CSMD1: variants seen among roughly 807,000 people sequenced by gnomAD.
The protein encoded by CSMD1 is CUB and sushi domain-containing protein 1.
Under a neutral mutation model 417.5 loss-of-function variants are expected in CSMD1, and 213 were observed. That is an observed-to-expected ratio of 0.51 (90% CI 0.46 to 0.57). The LOEUF (loss-of-function observed/expected upper bound fraction) is 0.57. CSMD1 is among the 20% of genes least tolerant of loss of function. The probability of loss-of-function intolerance (pLI) is 0.00; values close to 1 mark genes in which losing one functional copy is unlikely to be tolerated. For synonymous variants in CSMD1, 2,862 were observed against 1,736.8 expected (o/e 1.65, Z -16.11); for missense variants, 6,923 against 4,529.7 (o/e 1.53, Z -15.17).
intron 49 of CSMD1, among the ~76,000 whole-genome samples, chr8:3,064,288 C>T (rs940733369): frequency 3.3e-5 from 5 of 152,158 alleles, no homozygotes; most frequent in Non-Finnish European, 5.9e-5. Context: ...TGGGAGGTGA[C>T]TGGATCATGA....
chr8:4,626,957 G>C (rs941481009), intron 2 of CSMD1, among the ~76,000 whole-genome samples: 1 of 152,100 alleles, frequency 6.6e-6, no homozygotes, highest in African/African-American at 2.4e-5. Context: ...TCTGCAAAGG[G>C]ATACGTAAGT....
At chr8:4,704,201 G>C (rs750897298) in intron 1 of CSMD1, among the ~76,000 whole-genome samples, 3 of 152,152 alleles carry the variant, frequency 2.0e-5, no homozygotes, top group Non-Finnish European at 2.9e-5. Context: ...TTAATACGCT[G>C]GTAGCACCTT....
intron 1 of CSMD1, among the ~76,000 whole-genome samples, chr8:4,762,295 G>A (rs918422364): frequency 6.6e-6 from 1 of 152,030 alleles, no homozygotes; most frequent in Non-Finnish European, 1.5e-5. Flanking sequence ...TGGGGAGAGA[G>A]AAAGAATAGC....
At chr8:4,715,180 G>A (rs898755431) in intron 1 of CSMD1, among the ~76,000 whole-genome samples, 6 of 151,942 alleles carry the variant, frequency 3.9e-5, no homozygotes, top group East Asian at 1.9e-4. Flanking sequence ...CTATTATTTC[G>A]CAGAAAAAGA....
intron 3 of CSMD1, among the ~76,000 whole-genome samples, chr8:4,042,653 T>C: frequency 6.6e-6 from 1 of 151,790 alleles, no homozygotes; most frequent in Middle Eastern, 3.4e-3. Context: ...AAAATCTGTT[T>C]AAAACACTAT....
At chr8:4,515,418 T>G (rs1164153476) in intron 2 of CSMD1, among the ~76,000 whole-genome samples, 2 of 152,164 alleles carry the variant, frequency 1.3e-5, no homozygotes, top group African/African-American at 4.8e-5. Flanking sequence ...CTTTGTCTGC[T>G]TGACAAAGTC....
Position 4,738,903 on chromosome 8 carries a change from T to TTG in CSMD1, c.86-101347_86-101346dup, listed in dbSNP as rs34836566. Among the ~76,000 whole-genome samples the TTG allele has an allele frequency of 3.3e-4, 49 of 147,492 alleles. 1 individual carries two copies. The highest frequency in any genetic ancestry group is 6.4e-4 in the South Asian group (3 of 4,690). ...CTATTATACTTAAAATTCTGTGTGT[T>TTG]TGTGTGTGTGTGTGTGTGTATGTGT... On this transcript the variant is annotated intron_variant, in intron 1 of 69. Coordinates refer to ENST00000635120, the MANE Select transcript of CSMD1 (RefSeq NM_033225.6).
chr8:4,218,289 T>G, intron 3 of CSMD1, among the ~76,000 whole-genome samples: 1 of 152,232 alleles, frequency 6.6e-6, no homozygotes, highest in East Asian at 1.9e-4. Context: ...CATCCAAGTT[T>G]GACTTTCCTA....
At chr8:3,546,599 G>A (rs1563141011) in intron 10 of CSMD1, among the ~76,000 whole-genome samples, 2 of 152,012 alleles carry the variant, frequency 1.3e-5, no homozygotes, top group East Asian at 3.9e-4. Flanking sequence ...CTGAGCAATT[G>A]TCAAAAGTTT....
chr8:4,563,715 G>C (rs1362830747), intron 2 of CSMD1, among the ~76,000 whole-genome samples: 1 of 152,112 alleles, frequency 6.6e-6, no homozygotes, highest in African/African-American at 2.4e-5. Flanking sequence ...TATGCAAATT[G>C]CAACTGTAGA....
intron 49 of CSMD1, among the ~76,000 whole-genome samples, chr8:3,079,472 T>A (rs771731651): frequency 2.0e-5 from 3 of 152,142 alleles, no homozygotes; most frequent in Admixed American, 6.6e-5. Context: ...AGGAGAAGAT[T>A]GATAATGAAA....
intron 5 of CSMD1, among the ~76,000 whole-genome samples, chr8:3,906,965 G>C (rs547304479): frequency 5.3e-5 from 8 of 152,246 alleles, no homozygotes; most frequent in South Asian, 4.2e-4. Context: ...CCAGTTATCA[G>C]ACAACTGAAA....
intron 10 of CSMD1, among the ~76,000 whole-genome samples, chr8:3,515,682 C>T (rs1304383070): frequency 6.6e-6 from 1 of 152,204 alleles, no homozygotes; most frequent in Non-Finnish European, 1.5e-5. Context: ...ACAAGTCAAT[C>T]ATCACATATT....
At chr8:3,323,248 C>G (rs1806272611) in intron 23 of CSMD1, among the ~76,000 whole-genome samples, 1 of 152,124 alleles carries the variant, frequency 6.6e-6, no homozygotes, top group Non-Finnish European at 1.5e-5. Context: ...TGACAAGGGA[C>G]CTCAACATTC....
intron 7 of CSMD1, among the ~76,000 whole-genome samples, chr8:3,630,907 G>C (rs1021414272): frequency 6.6e-6 from 1 of 152,216 alleles, no homozygotes; most frequent in Non-Finnish European, 1.5e-5. Context: ...GGATTAGAGA[G>C]CCGAGATCTC....
intron 2 of CSMD1, among the ~76,000 whole-genome samples, chr8:4,461,089 T>G (rs1027979736): frequency 6.6e-6 from 1 of 150,602 alleles, no homozygotes; most frequent in African/African-American, 2.5e-5. Context: ...ATCTCAGGAA[T>G]GCAAGATAGG....
At chr8:2,965,448 T>G (rs1405681369) in intron 59 of CSMD1, among the ~76,000 whole-genome samples, 1 of 152,084 alleles carries the variant, frequency 6.6e-6, no homozygotes, top group Admixed American at 6.5e-5. Context: ...CTCACACAGC[T>G]AGGGTCACAG....
chr8:3,182,755 G>A (rs968236038), intron 36 of CSMD1, among the ~76,000 whole-genome samples: 1 of 141,318 alleles, frequency 7.1e-6, no homozygotes, highest in Non-Finnish European at 1.5e-5. Context: ...AGCTCTGTGT[G>A]TGTGTGTGTG....
chr8:3,863,372 G>A (rs963893964), intron 5 of CSMD1, among the ~76,000 whole-genome samples: 12 of 147,504 alleles, frequency 8.1e-5, no homozygotes, highest in African/African-American at 3.1e-4. Context: ...CTCTAGCCTA[G>A]GCTACAGCAA....
Sources: gnomAD v4.1 joint callset for allele counts (sites outside exome capture counted in the v4.1 genomes callset) on GRCh38, gnomAD v4.1.1 for gene constraint, MANE v1.5 for transcripts, NCBI Gene and HGNC (gene_info 2026-07-23, HGNC 2026-07-21) for gene names.